Variants in TTC39B observed in about 807,000 individuals in gnomAD.
The protein encoded by TTC39B is tetratricopeptide repeat protein 39B.
In TTC39B, 92 loss-of-function variants were observed where a neutral mutation model predicts 96.6. The observed-to-expected ratio is 0.95, with a 90% CI of 0.80 to 1.13. The LOEUF (loss-of-function observed/expected upper bound fraction) is 1.13. TTC39B is among the 50% of genes most tolerant of loss of function. The pLI is 0.00. For missense variants in TTC39B, 955 were observed against 809.3 expected (o/e 1.18, Z -2.18); for synonymous variants, 367 against 299.4 (o/e 1.23, Z -2.33).
chr9:15,167,173 A>G (rs1355742516), exon 20 of TTC39B: 1 of 139,608 alleles, frequency 7.2e-6, no homozygotes, highest in African/African-American at 2.6e-5. Context: ...AGTAGCTAGG[A>G]CTACAAGTGC....
intron 18 of TTC39B, among the ~76,000 whole-genome samples, chr9:15,176,277 G>A (rs776695048): frequency 2.6e-5 from 4 of 152,108 alleles, no homozygotes; most frequent in Non-Finnish European, 5.9e-5. Flanking sequence ...TTCACTATGA[G>A]ATTCACATAC....
chr9:15,214,204 A>T lies in TTC39B; in HGVS notation c.417T>A (p.Cys139Ter). The change falls in exon 4 of 20, where the codon TGT (cysteine) becomes TGA (stop). Residue 139 changes from cysteine to a stop codon, truncating the protein, a stop_gained. Coordinates refer to ENST00000512701, the Ensembl canonical transcript of TTC39B. LOFTEE classifies it high-confidence loss of function. ...TTAGAAATAAGTTCAATGCCACAGCACATTCTTCGAGGCCACTCTTGAGAT... is the reference window on the plus strand; with the variant it reads ...TTAGAAATAAGTTCAATGCCACAGCTCATTCTTCGAGGCCACTCTTGAGAT... 1.9e-6 allele frequency: 3 copies of T among 1,614,160 alleles called. 1 individual carries two copies. The South Asian group carries it at 3.3e-5, about 18-fold the overall frequency.
intron 19 of TTC39B, 97 bp downstream of exon 19, chr9:15,174,922 G>C: frequency 1.3e-6 from 1 of 769,148 alleles, no homozygotes; most frequent in Non-Finnish European, 2.3e-6. Flanking sequence ...ATTTGACATT[G>C]TTAATTGTTA....
At chr9:15,201,758 G>T (rs1038953656) in intron 7 of TTC39B, among the ~76,000 whole-genome samples, 1 of 152,084 alleles carries the variant, frequency 6.6e-6, no homozygotes, top group Non-Finnish European at 1.5e-5. Context: ...TGTAAGGTGC[G>T]GGGGGCGGGT....
At chr9:15,197,255 C>A (rs1242643510) in intron 8 of TTC39B, among the ~76,000 whole-genome samples, 2 of 152,122 alleles carry the variant, frequency 1.3e-5, no homozygotes, top group African/African-American at 4.8e-5. Flanking sequence ...CTATTTTAAT[C>A]CTTTAGTATT....
chr9:15,250,494 A>G (rs1386081469), intron 2 of TTC39B, among the ~76,000 whole-genome samples: 1 of 152,190 alleles, frequency 6.6e-6, no homozygotes, highest in Non-Finnish European at 1.5e-5. Flanking sequence ...ATTTTATATC[A>G]TGGACTTTAA....
chr9:15,260,646 C>A (rs1005907503), intron 2 of TTC39B, among the ~76,000 whole-genome samples: 6 of 151,930 alleles, frequency 3.9e-5, no homozygotes, highest in African/African-American at 1.5e-4. Context: ...GCCCTAAAAG[C>A]CTTACTTCAC....
chr9:15,166,225 T>C (rs547204282), exon 20 of TTC39B: 1 of 152,308 alleles, frequency 6.6e-6, no homozygotes, highest in East Asian at 1.9e-4. Flanking sequence ...ATTTTCCCTA[T>C]TAAATATCCA....
intron 1 of TTC39B, among the ~76,000 whole-genome samples, chr9:15,289,657 T>C (rs1312803800): frequency 1.3e-5 from 2 of 152,220 alleles, no homozygotes; most frequent in African/African-American, 2.4e-5. Flanking sequence ...AATTCAGGTA[T>C]GCCGGGAAAG....
rs1360102267 is a variant in TTC39B, at chr9:15,197,907, GAAAAAGT to G, written c.824+1947_824+1953del. On this transcript the variant is annotated intron_variant, in intron 8 of 19. Transcript: ENST00000512701. ...TAGTTAGCAAAAATAAGCTTGAAAAGAAAAAGTAAAAAGTAAATATATTTTAAGATAA... is the reference window on the plus strand; with the variant it reads ...TAGTTAGCAAAAATAAGCTTGAAAAGAAAAAGTAAATATATTTTAAGATAA... 7.9e-5 allele frequency among the ~76,000 whole-genome samples: 12 copies of G among 152,116 alleles called. No individual in the cohort carries two copies. In the South Asian group the frequency reaches 2.5e-3, roughly 32 times the overall value.
At chr9:15,229,624 C>G (rs475957) in intron 2 of TTC39B, among the ~76,000 whole-genome samples, 1 of 152,080 alleles carries the variant, frequency 6.6e-6, no homozygotes, top group Non-Finnish European at 1.5e-5. Flanking sequence ...CACTGACATG[C>G]GTTGATTCCA....
chr9:15,274,660 G>T (rs1188508500), intron 1 of TTC39B, among the ~76,000 whole-genome samples: 1 of 152,136 alleles, frequency 6.6e-6, no homozygotes. Context: ...AACGACTGTT[G>T]TTGGTCCTTG....
At chr9:15,293,855 G>A (rs950603158) in intron 1 of TTC39B, among the ~76,000 whole-genome samples, 2 of 152,168 alleles carry the variant, frequency 1.3e-5, no homozygotes, top group Non-Finnish European at 1.5e-5. Flanking sequence ...GCCAACGGTT[G>A]GAACCGTGTT....
At chr9:15,191,735 C>T (rs1818869405) in intron 9 of TTC39B, among the ~76,000 whole-genome samples, 1 of 152,068 alleles carries the variant, frequency 6.6e-6, no homozygotes, top group South Asian at 2.1e-4. Flanking sequence ...GGGCAGTGCA[C>T]CTGGTTATGC....
chr9:15,260,090 T>C lies in TTC39B; in HGVS notation c.275+7824A>G, dbSNP rs1229921912. On this transcript the variant is annotated intron_variant, in intron 2 of 19. Coordinates refer to ENST00000512701, the Ensembl canonical transcript of TTC39B. ...TTAAAATAGGAATATATATGAGATA[T>C]AAATTAATATTGCAATAGAGCTGTT... is the stretch of plus-strand genomic sequence containing the variant. Among the ~76,000 whole-genome samples the C allele has an allele frequency of 2.0e-5, 3 of 152,112 alleles. No homozygotes were observed. The East Asian group carries it at 5.8e-4, about 29-fold the overall frequency.
intron 1 of TTC39B, among the ~76,000 whole-genome samples, chr9:15,282,000 A>G (rs1182950298): frequency 6.6e-6 from 1 of 152,196 alleles, no homozygotes; most frequent in African/African-American, 2.4e-5. Flanking sequence ...TTTATTATGT[A>G]GGAAAACAAA....
At chr9:15,234,203 C>A (rs1464763981) in intron 2 of TTC39B, among the ~76,000 whole-genome samples, 1 of 151,226 alleles carries the variant, frequency 6.6e-6, no homozygotes, top group Non-Finnish European at 1.5e-5. Flanking sequence ...CCGGCAGCCA[C>A]CCCGTCTGGG....
intron 6 of TTC39B, among the ~76,000 whole-genome samples, chr9:15,208,415 C>G (rs989301884): frequency 9.2e-5 from 14 of 151,878 alleles, no homozygotes; most frequent in African/African-American, 9.7e-5. Context: ...AGCCTTCATA[C>G]TAAAAGGAAA....
At chr9:15,280,824 G>A (rs1396932726) in intron 1 of TTC39B, among the ~76,000 whole-genome samples, 1 of 152,176 alleles carries the variant, frequency 6.6e-6, no homozygotes, top group African/African-American at 2.4e-5. Flanking sequence ...TAAAGAATGC[G>A]AATGCTTGCA....
Sources: gnomAD v4.1 joint callset for allele counts (sites outside exome capture counted in the v4.1 genomes callset) on GRCh38, gnomAD v4.1.1 for gene constraint, MANE v1.5 for transcripts, NCBI Gene and HGNC (gene_info 2026-07-23, HGNC 2026-07-21) for gene names.